The following LRRTM4 variants were observed in gnomAD, a reference collection of about 807,000 sequenced individuals.
LRRTM4 encodes leucine rich repeat transmembrane neuronal 4, also known as leucine-rich repeat transmembrane neuronal protein 4.
Under a neutral mutation model 47.6 loss-of-function variants are expected in LRRTM4, and 25 were observed. The ratio of observed to expected loss-of-function variants is 0.53; its 90% CI spans 0.38 to 0.73. LRRTM4 has a LOEUF of 0.73. Ranked by LOEUF, LRRTM4 falls within the 30% of genes least tolerant of loss-of-function variation. LRRTM4 has a pLI of 0.00. For synonymous variants in LRRTM4, 311 were observed against 269.5 expected, an observed-to-expected ratio of 1.15 and a Z score of -1.51; for missense variants, 638 against 713.4, an observed-to-expected ratio of 0.89 and a Z score of 1.20.
At position 77,008,336 on chromosome 2, in the gene LRRTM4, A is replaced by AT. The variant is rs552975036; in HGVS notation, c.1552-259421dup. Among the ~76,000 whole-genome samples the AT allele has an allele frequency of 2.2e-4, 33 of 152,244 alleles. No homozygotes were observed. The South Asian group carries it at 5.6e-3, about 26-fold the overall frequency. The stretch of plus-strand genomic sequence containing the variant: ...TATTTCTCTGATAATTGTAATATGT[A>AT]TTTTTTTAAATAAATTCAAGCCAAA... On this transcript the variant is annotated intron_variant, in intron 3 of 3. Transcript: ENST00000409884.
intron 3 of LRRTM4, among the ~76,000 whole-genome samples, chr2:77,078,383 CA>C (rs1558566636): frequency 0.017 from 1,213 of 73,210 alleles, 18 homozygotes; most frequent in African/African-American, 0.084. Flanking sequence ...CACACACCCA[CA>C]CACACACACA....
intron 3 of LRRTM4, among the ~76,000 whole-genome samples, chr2:77,111,316 A>G (rs986035792): frequency 2.1e-5 from 3 of 141,224 alleles, no homozygotes; most frequent in Non-Finnish European, 3.0e-5. Context: ...TTTTATTAGA[A>G]ACAGGGTTTC....
At chr2:77,007,425 T>C (rs534312521) in intron 3 of LRRTM4, among the ~76,000 whole-genome samples, 12 of 152,312 alleles carry the variant, frequency 7.9e-5, no homozygotes, top group African/African-American at 2.2e-4. Flanking sequence ...CTGAGATATA[T>C]TGGCTATATG....
intron 3 of LRRTM4, among the ~76,000 whole-genome samples, chr2:77,422,137 A>G (rs1674921985): frequency 6.6e-6 from 1 of 152,232 alleles, no homozygotes; most frequent in South Asian, 2.1e-4. Flanking sequence ...TGACAAAATC[A>G]TCTACTGATG....
At chr2:77,008,938 G>C (rs1296043057) in intron 3 of LRRTM4, 1 of 81,886 alleles carries the variant, frequency 1.2e-5, no homozygotes. Flanking sequence ...GAGCCAACAA[G>C]AAAAAAAAGA....
intron 3 of LRRTM4, among the ~76,000 whole-genome samples, chr2:77,387,815 C>G (rs574190273): frequency 1.5e-4 from 23 of 152,104 alleles, no homozygotes; most frequent in Admixed American, 1.5e-3. Context: ...AAGCATACAG[C>G]TAATAGTTAA....
chr2:76,805,848 CTT>C (rs1156491957), intron 3 of LRRTM4, among the ~76,000 whole-genome samples: 1 of 152,102 alleles, frequency 6.6e-6, no homozygotes, highest in Non-Finnish European at 1.5e-5. Context: ...CACATCCTGA[CTT>C]TGGGGAGTAG....
intron 3 of LRRTM4, among the ~76,000 whole-genome samples, chr2:77,072,800 C>CAAA (rs373786120): frequency 0.073 from 5,684 of 77,748 alleles, 452 homozygotes; most frequent in African/African-American, 0.15. Context: ...CTCCGTCTTC[C>CAAA]AAAAAAAAAA....
At chr2:76,892,922 T>G (rs1340373355) in intron 3 of LRRTM4, among the ~76,000 whole-genome samples, 1 of 151,156 alleles carries the variant, frequency 6.6e-6, no homozygotes, top group Admixed American at 6.6e-5. Context: ...ATCTAATGCT[T>G]TGGGGATTTT....
At chr2:76,819,377 A>G (rs1670992726) in intron 3 of LRRTM4, among the ~76,000 whole-genome samples, 1 of 151,884 alleles carries the variant, frequency 6.6e-6, no homozygotes, top group Non-Finnish European at 1.5e-5. Context: ...AGAAGACATA[A>G]GTAGGAAGTA....
intron 3 of LRRTM4, among the ~76,000 whole-genome samples, chr2:76,798,897 C>T (rs1029502520): frequency 6.6e-6 from 1 of 152,046 alleles, no homozygotes; most frequent in Admixed American, 6.6e-5. Flanking sequence ...CAAGACTAAA[C>T]CAGGAAGAAG....
intron 3 of LRRTM4, among the ~76,000 whole-genome samples, chr2:77,437,322 G>A (rs1675642650): frequency 6.6e-6 from 1 of 151,982 alleles, no homozygotes; most frequent in African/African-American, 2.4e-5. Flanking sequence ...TTTCACAACA[G>A]CTTCCTATTA....
chr2:77,383,229 G>T (rs1673130403), intron 3 of LRRTM4, among the ~76,000 whole-genome samples: 1 of 151,902 alleles, frequency 6.6e-6, no homozygotes, highest in Admixed American at 6.6e-5. Flanking sequence ...CTTTAATTGT[G>T]TACCTTTCAG....
At chr2:77,461,453 G>T (rs570113077) in intron 3 of LRRTM4, among the ~76,000 whole-genome samples, 2 of 152,118 alleles carry the variant, frequency 1.3e-5, no homozygotes, top group Non-Finnish European at 2.9e-5. Flanking sequence ...CCATGGAAGA[G>T]ATTAAAAACT....
intron 3 of LRRTM4, among the ~76,000 whole-genome samples, chr2:77,477,512 T>C (rs1467841896): frequency 6.6e-6 from 1 of 152,130 alleles, no homozygotes; most frequent in Non-Finnish European, 1.5e-5. Flanking sequence ...GTCATTGCTA[T>C]ATACTATTTG....
intron 3 of LRRTM4, among the ~76,000 whole-genome samples, chr2:77,296,675 TTTAAA>T (rs1323599007): frequency 1.3e-5 from 2 of 152,164 alleles, no homozygotes; most frequent in Non-Finnish European, 2.9e-5. Flanking sequence ...CATCATCATT[TTTAAA>T]TTAGGAACTT....
chr2:77,065,983 T>C (rs778942421), intron 3 of LRRTM4, among the ~76,000 whole-genome samples: 6 of 152,168 alleles, frequency 3.9e-5, no homozygotes, highest in Non-Finnish European at 8.8e-5. Flanking sequence ...CGAGATCTAA[T>C]AGATCTATAC....
chr2:77,434,935 C>T (rs116140353), intron 3 of LRRTM4, among the ~76,000 whole-genome samples: 2,749 of 152,076 alleles, frequency 0.018, 36 homozygotes, highest in Non-Finnish European at 0.026. Context: ...TGTGTTTCCA[C>T]CTCCTACTTT....
chr2:77,257,583 CT>C (rs2104029517), intron 3 of LRRTM4, among the ~76,000 whole-genome samples: 1 of 151,992 alleles, frequency 6.6e-6, no homozygotes, highest in South Asian at 2.1e-4. Flanking sequence ...GATTAGAAAA[CT>C]TTTTATATAC....
Sources: allele counts gnomAD v4.1 joint callset (sites outside exome capture counted in the v4.1 genomes callset), GRCh38; gene constraint gnomAD v4.1.1; transcripts MANE v1.5; gene names NCBI Gene and HGNC (gene_info 2026-07-23, HGNC 2026-07-21).